The following MICU3 variants were observed in gnomAD, a reference collection of about 807,000 sequenced individuals.
MICU3 encodes the protein mitochondrial calcium uptake 3.
A neutral mutation model predicts 66.5 loss-of-function variants in MICU3; 62 were observed. The observed-to-expected ratio is 0.93, with a 90% CI of 0.76 to 1.15. The LOEUF (loss-of-function observed/expected upper bound fraction) is 1.15, where lower values mean the gene tolerates loss of function less well. Ranked by LOEUF, MICU3 falls within the 50% of genes most tolerant of loss-of-function variation. The probability of loss-of-function intolerance (pLI) is 0.00; values close to 1 mark genes in which losing one functional copy is unlikely to be tolerated. For missense variants in MICU3, 779 were observed against 664.4 expected (o/e 1.17, Z -1.90); for synonymous variants, 308 against 240.7 (o/e 1.28, Z -2.59).
At chr8:17,063,194 A>G (rs1021543324) in intron 1 of MICU3, among the ~76,000 whole-genome samples, 3 of 152,176 alleles carry the variant, frequency 2.0e-5, no homozygotes, top group African/African-American at 7.2e-5. Flanking sequence ...AATTCTATCT[A>G]TAAATTTTTA....
At chr8:17,137,985 G>A in the MICU3 span, among the ~76,000 whole-genome samples, 1 of 151,962 alleles carries the variant, frequency 6.6e-6, no homozygotes, top group Non-Finnish European at 1.5e-5. Context: ...AAAGTGCTGG[G>A]ATTACAGGCA....
chr8:17,046,020 C>A (rs1251162385), intron 1 of MICU3, among the ~76,000 whole-genome samples: 3 of 152,190 alleles, frequency 2.0e-5, no homozygotes, highest in African/African-American at 7.2e-5. Context: ...ATCTCTTCAT[C>A]TGTATGCTTT....
intron 1 of MICU3, among the ~76,000 whole-genome samples, chr8:17,053,616 A>C (rs1371989944): frequency 6.6e-6 from 1 of 152,124 alleles, no homozygotes; most frequent in African/African-American, 2.4e-5. Context: ...AACTTTTGTC[A>C]TTTTTTAAGC....
intron 11 of MICU3, among the ~76,000 whole-genome samples, chr8:17,109,052 A>C (rs2150821557): frequency 1.3e-5 from 2 of 152,196 alleles, no homozygotes; most frequent in South Asian, 2.1e-4. Flanking sequence ...TACCCTTTCT[A>C]ATCTAATATA....
At chr8:17,081,004 A>G (rs1821099724) in intron 4 of MICU3, among the ~76,000 whole-genome samples, 1 of 152,158 alleles carries the variant, frequency 6.6e-6, no homozygotes, top group Non-Finnish European at 1.5e-5. Flanking sequence ...TTTGTATTCC[A>G]AAAGCAAGAA....
intron 11 of MICU3, among the ~76,000 whole-genome samples, chr8:17,110,509 A>G (rs901092366): frequency 6.6e-5 from 10 of 152,172 alleles, no homozygotes; most frequent in African/African-American, 1.9e-4. Context: ...CAGTGGAATC[A>G]TATAGCATGT....
chr8:17,105,234 G>A (rs1239401001), intron 10 of MICU3, among the ~76,000 whole-genome samples, 179 bp from the exon 11 acceptor site: 4 of 151,980 alleles, frequency 2.6e-5, no homozygotes, highest in Non-Finnish European at 5.9e-5. Flanking sequence ...CAGTCATTAA[G>A]TAGTAAAGCG....
chr8:17,049,020 G>C (rs762142336), intron 1 of MICU3, among the ~76,000 whole-genome samples: 1 of 151,726 alleles, frequency 6.6e-6, no homozygotes, highest in Non-Finnish European at 1.5e-5. Flanking sequence ...TCTGTATTTC[G>C]GGGATGGATA....
chr8:17,091,312 T>A (rs770031318), intron 8 of MICU3, among the ~76,000 whole-genome samples: 1 of 152,090 alleles, frequency 6.6e-6, no homozygotes, highest in Non-Finnish European at 1.5e-5. Flanking sequence ...ATGGCCCTTT[T>A]TGAATGTAAA....
chr8:17,052,926 T>C (rs939343806), intron 1 of MICU3, among the ~76,000 whole-genome samples: 1 of 152,182 alleles, frequency 6.6e-6, no homozygotes, highest in African/African-American at 2.4e-5. Context: ...TGTAGAAATA[T>C]AAATTTGCAA....
intron 4 of MICU3, among the ~76,000 whole-genome samples, chr8:17,078,558 A>C (rs1254433548): frequency 1.3e-5 from 2 of 152,082 alleles, no homozygotes; most frequent in East Asian, 3.9e-4. Context: ...TATTTTTTGT[A>C]TCCTCAAATA....
intron 1 of MICU3, among the ~76,000 whole-genome samples, chr8:17,037,350 T>A (rs1051265191): frequency 6.6e-6 from 1 of 152,196 alleles, no homozygotes; most frequent in Non-Finnish European, 1.5e-5. Flanking sequence ...GAGCGAGGAC[T>A]GTGAAGACTG....
chr8:17,081,862 T>C (rs751634215), intron 5 of MICU3, 122 bp downstream of exon 5: 1 of 576,242 alleles, frequency 1.7e-6, no homozygotes, highest in Non-Finnish European at 3.2e-6. Context: ...GCAAAATTCA[T>C]GTTTAATGCT....
At chr8:17,033,003 G>T (rs1812354387) in intron 1 of MICU3, among the ~76,000 whole-genome samples, 1 of 152,104 alleles carries the variant, frequency 6.6e-6, no homozygotes, top group East Asian at 1.9e-4. Flanking sequence ...GTTATGTGTA[G>T]TTTCCTCCAT....
intron 2 of MICU3, among the ~76,000 whole-genome samples, chr8:17,067,207 T>G (rs1818857955): frequency 1.3e-5 from 2 of 152,214 alleles, no homozygotes; most frequent in South Asian, 4.1e-4. Context: ...ATCAGATATG[T>G]TAAAACTGTA....
chr8:17,028,746 A>G (rs1455851771), intron 1 of MICU3, among the ~76,000 whole-genome samples: 2 of 152,074 alleles, frequency 1.3e-5, no homozygotes, highest in East Asian at 1.9e-4. Flanking sequence ...CCTTTTACAC[A>G]TGAATATTCA....
chr8:17,114,479 A>C (rs1179520779), intron 12 of MICU3, among the ~76,000 whole-genome samples: 1 of 152,138 alleles, frequency 6.6e-6, no homozygotes, highest in Non-Finnish European at 1.5e-5. Flanking sequence ...TATTTTACTA[A>C]TTTAATGCCT....
At chr8:17,051,808 G>A (rs542926621) in intron 1 of MICU3, among the ~76,000 whole-genome samples, 20 of 151,868 alleles carry the variant, frequency 1.3e-4, no homozygotes, top group Non-Finnish European at 2.5e-4. Context: ...GAGAATGAGA[G>A]GAAATGTAAA....
rs1009439116 is a variant in MICU3 at position 17,058,501 on chromosome 8, T to A, written c.382-5583T>A. 9.9e-5 allele frequency among the ~76,000 whole-genome samples: 15 copies of A among 152,170 alleles called. 1 individual carries two copies. The highest frequency in any genetic ancestry group is 3.4e-4 in the African/African-American group (14 of 41,430). The stretch of plus-strand genomic sequence containing the variant: ...ACTCACAAGAGGTTTAGTAAACTGG[T>A]TTAATGTCATGTTCCGCCTTTATTA... On this transcript the variant is annotated intron_variant, in intron 1 of 14. Transcript: ENST00000318063.
Sources: allele counts gnomAD v4.1 joint callset (sites outside exome capture counted in the v4.1 genomes callset), GRCh38; gene constraint gnomAD v4.1.1; transcripts MANE v1.5; gene names NCBI Gene and HGNC (gene_info 2026-07-23, HGNC 2026-07-21).